ITPRID1: variants seen among roughly 807,000 people sequenced by gnomAD.
The protein encoded by ITPRID1 is protein ITPRID1.
Under a neutral mutation model 95.4 loss-of-function variants are expected in ITPRID1, and 96 were observed. That is an observed-to-expected ratio of 1.01 (90% CI 0.85 to 1.19). The LOEUF is 1.19. Among genes scored for constraint, ITPRID1 ranks in the 50% most tolerant of loss-of-function variants. ITPRID1 has a pLI of 0.00. For synonymous variants in ITPRID1, 510 were observed against 453.6 expected (o/e 1.12, Z -1.58); for missense variants, 1,339 against 1,252.9 (o/e 1.07, Z -1.04).
At chr7:31,553,803 CA>C (rs771451309) in intron 3 of ITPRID1, among the ~76,000 whole-genome samples, 27 of 152,244 alleles carry the variant, frequency 1.8e-4, no homozygotes, top group South Asian at 4.2e-4. Flanking sequence ...TAAAGTCAAA[CA>C]AAATTAGCCT....
At chr7:31,633,323 T>A (rs1408118561) in intron 10 of ITPRID1, among the ~76,000 whole-genome samples, 6 of 152,074 alleles carry the variant, frequency 3.9e-5, no homozygotes, top group Admixed American at 2.0e-4. Flanking sequence ...AAGGTAGAGG[T>A]GGCCAATACA....
chr7:31,586,549 G>A (rs1235374668), intron 10 of ITPRID1, among the ~76,000 whole-genome samples: 1 of 150,942 alleles, frequency 6.6e-6, no homozygotes, highest in Admixed American at 6.6e-5. Flanking sequence ...GTGTGAGATG[G>A]TATCTCATTG....
intron 10 of ITPRID1, among the ~76,000 whole-genome samples, chr7:31,606,432 A>T (rs1786626056): frequency 6.9e-6 from 1 of 143,964 alleles, no homozygotes; most frequent in Non-Finnish European, 1.5e-5. Context: ...AAATATCTTC[A>T]TAGTGAAGTG....
chr7:31,603,178 C>A (rs1786470893), intron 10 of ITPRID1, among the ~76,000 whole-genome samples: 2 of 152,248 alleles, frequency 1.3e-5, no homozygotes, highest in South Asian at 4.2e-4. Flanking sequence ...GGCAATCAAT[C>A]AGAGATGTAA....
At chr7:31,617,180 G>A (rs1787326307) in intron 10 of ITPRID1, among the ~76,000 whole-genome samples, 1 of 152,108 alleles carries the variant, frequency 6.6e-6, no homozygotes, top group African/African-American at 2.4e-5. Context: ...AGAAAAGCCT[G>A]GAGAAGGGAA....
intron 10 of ITPRID1, among the ~76,000 whole-genome samples, chr7:31,632,007 G>A (rs950558231): frequency 6.6e-6 from 1 of 152,152 alleles, no homozygotes; most frequent in African/African-American, 2.4e-5. Flanking sequence ...CCACCTGTTA[G>A]GAATGAAGGC....
intron 10 of ITPRID1, among the ~76,000 whole-genome samples, chr7:31,601,436 C>G (rs960526486): frequency 1.2e-4 from 18 of 152,194 alleles, no homozygotes; most frequent in African/African-American, 3.9e-4. Flanking sequence ...GACACCTTGA[C>G]TATCTTTTGG....
At chr7:31,617,515 A>G (rs905238246) in intron 10 of ITPRID1, among the ~76,000 whole-genome samples, 2 of 152,162 alleles carry the variant, frequency 1.3e-5, no homozygotes, top group East Asian at 1.9e-4. Context: ...ACAGAAAACA[A>G]CTTCATTGTG....
chr7:31,634,786 T>C (rs914098165), intron 10 of ITPRID1, among the ~76,000 whole-genome samples: 1 of 152,090 alleles, frequency 6.6e-6, no homozygotes, highest in Admixed American at 6.5e-5. Flanking sequence ...GCTTAGGTGA[T>C]AAGATCTAGC....
At chr7:31,622,374 A>C (rs1583617346) in intron 10 of ITPRID1, among the ~76,000 whole-genome samples, 1 of 152,158 alleles carries the variant, frequency 6.6e-6, no homozygotes. Flanking sequence ...TCTCCTCAGC[A>C]AATGTAAAAG....
At chr7:31,552,084 G>A (rs554218779) in intron 2 of ITPRID1, among the ~76,000 whole-genome samples, 1 of 143,210 alleles carries the variant, frequency 7.0e-6, no homozygotes, top group Admixed American at 7.0e-5. Flanking sequence ...TGCGGAGACC[G>A]AACAATTTCT....
intron 10 of ITPRID1, among the ~76,000 whole-genome samples, chr7:31,598,565 G>A (rs930929100): frequency 7.3e-5 from 11 of 151,644 alleles, no homozygotes; most frequent in African/African-American, 2.4e-4. Flanking sequence ...TACCACGCCC[G>A]GCTACTTTTT....
At chr7:31,521,615 TTTCCCTCCTTCC>T (rs1469572912) in intron 1 of ITPRID1, among the ~76,000 whole-genome samples, 4,968 of 121,890 alleles carry the variant, frequency 0.041, 247 homozygotes, top group South Asian at 0.066. Flanking sequence ...CTTTTTCTCC[TTTCCCTCCTTCC>T]TTCCTTCCTT....
intron 1 of ITPRID1, among the ~76,000 whole-genome samples, chr7:31,543,272 G>A (rs980038336): frequency 6.6e-6 from 1 of 152,058 alleles, no homozygotes; most frequent in Non-Finnish European, 1.5e-5. Context: ...TGTCTTTTCT[G>A]TTTTCCCAAG....
At chr7:31,597,206 C>A (rs1258563192) in intron 10 of ITPRID1, among the ~76,000 whole-genome samples, 2 of 151,920 alleles carry the variant, frequency 1.3e-5, no homozygotes, top group East Asian at 3.8e-4. Flanking sequence ...ACAGTAAAAT[C>A]TCAGAAAAAA....
intron 10 of ITPRID1, among the ~76,000 whole-genome samples, chr7:31,600,640 G>A (rs1018559644): frequency 7.9e-5 from 12 of 152,232 alleles, no homozygotes; most frequent in Admixed American, 2.6e-4. Flanking sequence ...CCCTTGGGGT[G>A]AGCTGCCTGC....
intron 10 of ITPRID1, among the ~76,000 whole-genome samples, chr7:31,601,218 C>G (rs1378181317): frequency 6.6e-6 from 1 of 152,170 alleles, no homozygotes; most frequent in Non-Finnish European, 1.5e-5. Flanking sequence ...CAGGGAGAGA[C>G]AGATACAGAT....
At position 31,653,061 on chromosome 7, in the gene ITPRID1, T is replaced by A; in HGVS notation, c.*232T>A. On this transcript the variant is annotated 3_prime_UTR_variant, in exon 15 of 15. Coordinates refer to ENST00000615280, the MANE Select transcript of ITPRID1 (RefSeq NM_001257967.3). The stretch of plus-strand genomic sequence containing the variant: ...CTGGCACAGAGTATGCAACAGTGAC[T>A]AAATAGTATACGGTCTCTGCCCTGC... The A allele has an allele frequency of 9.3e-7, 1 of 1,073,078 alleles. No individual in the cohort carries two copies. The highest frequency in any genetic ancestry group is 1.3e-6 in the Non-Finnish European group (1 of 791,118). The allele number at this position is 1,073,078 out of a possible 1,614,324, so 66.5% of individuals were successfully genotyped here.
intron 10 of ITPRID1, among the ~76,000 whole-genome samples, chr7:31,613,177 T>G (rs1033730930): frequency 2.0e-5 from 3 of 152,168 alleles, no homozygotes; most frequent in Non-Finnish European, 4.4e-5. Flanking sequence ...CTACCACTAT[T>G]CCAAGGCTGA....
Sources: gnomAD v4.1 joint callset for allele counts (sites outside exome capture counted in the v4.1 genomes callset) on GRCh38, gnomAD v4.1.1 for gene constraint, MANE v1.5 for transcripts, NCBI Gene and HGNC (gene_info 2026-07-23, HGNC 2026-07-21) for gene names.